Variants in VPS11 observed in about 807,000 individuals in gnomAD.
VPS11 encodes vacuolar protein sorting-associated protein 11 homolog.
Under a neutral mutation model 106.8 loss-of-function variants are expected in VPS11, and 51 were observed. The ratio of observed to expected loss-of-function variants is 0.48; its 90% CI spans 0.38 to 0.60. VPS11 has a LOEUF of 0.60. Ranked by LOEUF, VPS11 falls within the 20% of genes least tolerant of loss-of-function variation. The pLI, the probability that VPS11 is intolerant of heterozygous loss-of-function variation, is 0.00. For missense variants in VPS11, 950 were observed against 1,190.0 expected, an observed-to-expected ratio of 0.80 and a Z score of 2.97; for synonymous variants, 453 against 458.7, an observed-to-expected ratio of 0.99 and a Z score of 0.16.
chr11:119,071,400 C>T (rs1011393950), intron 4 of VPS11, among the ~76,000 whole-genome samples, 196 bp from the exon 5 acceptor site: 1 of 151,840 alleles, frequency 6.6e-6, no homozygotes, highest in African/African-American at 2.4e-5. Flanking sequence ...ATAATATATA[C>T]AGAGAAAGAA....
At position 119,069,457 on chromosome 11, in the gene VPS11, C is replaced by A; in HGVS notation, c.352C>A (p.Leu118Met). 6.2e-7 allele frequency: 1 copy of A among 1,614,022 alleles called. No homozygotes were observed. The highest frequency in any genetic ancestry group is 1.1e-5 in the South Asian group (1 of 91,088). Residue 118 changes from leucine (L) to methionine (M), a missense_variant, in exon 3 of 16, where the codon CTG (leucine) becomes ATG (methionine). Physicochemically the swap from Leu to Met is conservative, Grantham distance 15 (BLOSUM62 2). Coordinates refer to ENST00000621676, the MANE Select transcript of VPS11 (RefSeq NM_021729.6). The part of the protein sequence containing the change: ...GINPLVKIWN[L>M]EKRDGGNPLC... ...CTGTCCACAGGTTAAGATCTGGAAC[C>A]TGGAGAAGAGAGATGGTGGCAATCC... is the stretch of plus-strand genomic sequence containing the variant.
intron 4 of VPS11, 129 bp downstream of exon 4, chr11:119,070,526 C>T (rs1319699939): frequency 1.9e-6 from 2 of 1,063,740 alleles, no homozygotes; most frequent in African/African-American, 3.2e-5. Flanking sequence ...GAATCATTTG[C>T]CTAGCTTTGT....
intron 9 of VPS11, 99 bp from the exon 10 acceptor site, chr11:119,077,779 A>G: frequency 6.4e-7 from 1 of 1,558,516 alleles, no homozygotes; most frequent in Non-Finnish European, 8.7e-7. Flanking sequence ...CAACTTGGGC[A>G]GAGCCCTGTC....
In VPS11 at chr11:119,067,923, G is replaced by T. The variant is rs2133639720; in HGVS notation, c.100G>T (p.Ala34Ser). ...TGGGGCCGCTCCCGGGGCCACACCT[G>T]CTTCTGGATCCGCTGCTTCCAAGTT... ...NDGAAPGATP[A>S]SGSAASKFLC... Residue 34 changes from alanine to serine, a missense_variant, in exon 1 of 16, where the codon GCT becomes TCT. Ala to Ser is a moderately conservative substitution (Grantham distance 99). This residue lies in a region of VPS11 where 62 missense variants were observed against 45.1 expected (regional missense o/e 1.37). Transcript: ENST00000621676. 11 of 1,611,042 alleles carry T rather than the reference G, an allele frequency of 6.8e-6. No individual in the cohort carries two copies. The highest frequency in any genetic ancestry group is 9.3e-6 in the Non-Finnish European group (11 of 1,178,624).
rs961680987 is a variant in VPS11 at position 119,079,391 on chromosome 11, A to G, written c.2438+91A>G. ...CTAAGTACTTTCCGTAGAGGATACT[A>G]TGGAGTGCTTTTGAGCATTTTGATT... On this transcript the variant is annotated intron_variant, in intron 14 of 15. Coordinates refer to ENST00000621676, the MANE Select transcript of VPS11 (RefSeq NM_021729.6). 2.0e-5 allele frequency: 28 copies of G among 1,412,802 alleles called. No individual in the cohort carries two copies. In the African/African-American group the frequency reaches 2.5e-4, roughly 12 times the overall value. 87.5% of individuals were successfully genotyped at this position (1,412,802 alleles called of 1,614,324 possible).
At chr11:119,068,607 C>T (rs1565735861) in intron 1 of VPS11, among the ~76,000 whole-genome samples, 1 of 151,730 alleles carries the variant, frequency 6.6e-6, no homozygotes, top group Non-Finnish European at 1.5e-5. Flanking sequence ...CCACCACACC[C>T]GGCTAATTTT....
At chr11:119,068,228 T>C (rs2133641366) in intron 1 of VPS11, 2 of 460,244 alleles carry the variant, frequency 4.3e-6, no homozygotes, top group Non-Finnish European at 7.5e-6. Flanking sequence ...TCTCTGGGTT[T>C]TAATTTCCTT....
At chr11:119,078,540 C>T (rs782658461) in intron 11 of VPS11, 25 bp from the exon 12 acceptor site, 1 of 1,600,612 alleles carries the variant, frequency 6.2e-7, no homozygotes, top group African/African-American at 1.3e-5. Flanking sequence ...TTTTGTCCAG[C>T]AGCTCTGCCC....
intron 7 of VPS11, 82 bp downstream of exon 7, chr11:119,074,033 T>C (rs1018179551): frequency 6.8e-7 from 1 of 1,471,122 alleles, no homozygotes; most frequent in African/African-American, 1.4e-5. Context: ...ATGCTCCAGG[T>C]AGGGGCTAGA....
At position 119,069,202 on chromosome 11, in the gene VPS11, A is replaced by G. The variant is rs1397853209; in HGVS notation, c.194A>G (p.Glu65Gly). Residue 65 changes from glutamate (E) to glycine (G), a missense_variant, in exon 2 of 16, where the codon GAA (glutamate) becomes GGA (glycine). Glu to Gly is a moderately conservative substitution (Grantham distance 98, BLOSUM62 -2). Around this residue, in one of 3 missense-constraint regions of VPS11, gnomAD observed 435 missense variants for 630.2 expected, o/e 0.69. Transcript: ENST00000621676. ...CTCCTTGACTACCCTGCACATATGGAAGGCCAGATCTGGTTCTTGCCACGT... is the reference window on the plus strand; with the variant it reads ...CTCCTTGACTACCCTGCACATATGGGAGGCCAGATCTGGTTCTTGCCACGT... ...GRGSLVFGDM[E>G]GQIWFLPRSL... 3.1e-6 allele frequency: 5 copies of G among 1,613,896 alleles called. No homozygotes were observed. The highest frequency in any genetic ancestry group is 3.4e-6 in the Non-Finnish European group (4 of 1,179,890).
chr11:119,074,370 G>A (rs1414783316), intron 7 of VPS11, among the ~76,000 whole-genome samples: 1 of 152,122 alleles, frequency 6.6e-6, no homozygotes, highest in African/African-American at 2.4e-5. Flanking sequence ...ACAGGCATGA[G>A]CCACTGCGCC....
intron 7 of VPS11, among the ~76,000 whole-genome samples, chr11:119,076,316 C>T (rs779656007): frequency 4.6e-5 from 7 of 152,002 alleles, no homozygotes; most frequent in African/African-American, 1.7e-4. Flanking sequence ...CACCTGAGGT[C>T]GGGAGTTCGA....
chr11:119,080,976 T>A (rs117562556), intron 14 of VPS11, 116 bp from the exon 15 acceptor site: 14 of 892,064 alleles, frequency 1.6e-5, no homozygotes, highest in Non-Finnish European at 2.5e-5. Flanking sequence ...GGGCAGGGCC[T>A]TCAGGGGCCT....
rs146988720 is a variant in VPS11, at chr11:119,080,987, T to G, written c.2439-105T>G. 148 of 1,019,066 alleles carry G rather than the reference T, an allele frequency of 1.5e-4. No individual in the cohort carries two copies. The African/African-American group carries it at 2.1e-3, about 14-fold the overall frequency. 63.1% of individuals were successfully genotyped at this position (1,019,066 alleles called of 1,614,324 possible). ...AGCAGGGCAGGGCCTTCAGGGGCCT[T>G]ACCAGGGACCTTGCCCTGTGCACTT... On this transcript the variant is annotated intron_variant, in intron 14 of 15. Transcript: ENST00000621676.
chr11:119,080,327 G>C lies in VPS11; in HGVS notation c.2439-765G>C, dbSNP rs193227342. 3.4e-3 allele frequency among the ~76,000 whole-genome samples: 519 copies of C among 152,068 alleles called. 2 individuals carry two copies. Among genetic ancestry groups the C allele is most frequent in the African/African-American group, 0.012 (498 of 41,484 alleles). ...CCTGCCTTGGCCTCCCAAAGTGCTGGGATTACATGCGTGAGCCACTGCACC... is the reference window on the plus strand; with the variant it reads ...CCTGCCTTGGCCTCCCAAAGTGCTGCGATTACATGCGTGAGCCACTGCACC... On this transcript the variant is annotated intron_variant, in intron 14 of 15. Transcript: ENST00000621676.
At chr11:119,069,108 A>G (rs1158373198) in intron 1 of VPS11, 88 bp from the exon 2 acceptor site, 1 of 1,500,186 alleles carries the variant, frequency 6.7e-7, no homozygotes, top group Non-Finnish European at 9.0e-7. Flanking sequence ...TGAAAATTTT[A>G]GAGTTATATA....
intron 5 of VPS11, chr11:119,072,213 G>A (rs934581798): frequency 1.8e-5 from 4 of 223,488 alleles, no homozygotes; most frequent in Non-Finnish European, 3.7e-5. Context: ...TGATCTACCC[G>A]CCTCGGCCTC....
At chr11:119,073,518 C>A in intron 6 of VPS11, 119 bp downstream of exon 6, 3 of 1,277,208 alleles carry the variant, frequency 2.3e-6, no homozygotes, top group Non-Finnish European at 3.2e-6. Context: ...CCTTACTCAG[C>A]TTCCTTAGGG....
At position 119,070,325 on chromosome 11, in the gene VPS11, T is replaced by C. The variant is rs781921640; in HGVS notation, c.564T>C (p.Pro188=). The C allele has an allele frequency of 2.7e-5, 44 of 1,613,330 alleles. No homozygotes were observed. In the Admixed American group the frequency reaches 4.3e-4, roughly 16 times the overall value. The change falls in exon 4 of 16, where the codon CCT becomes CCC. Residue 188 remains proline (P), a synonymous_variant. Coordinates refer to ENST00000621676, the MANE Select transcript of VPS11 (RefSeq NM_021729.6). The part of the protein sequence containing the change: ...KTQILHKGNY[P]VTGLAFRQAG... The stretch of plus-strand genomic sequence containing the variant: ...AGATTTTGCACAAGGGCAACTATCC[T>C]GTAACTGGATTGGCCTTTCGCCAAG...
Sources: allele counts gnomAD v4.1 joint callset (sites outside exome capture counted in the v4.1 genomes callset), GRCh38; gene constraint gnomAD v4.1.1; regional missense constraint gnomAD v4.1.1; transcripts MANE v1.5; gene names NCBI Gene and HGNC (gene_info 2026-07-23, HGNC 2026-07-21).